Variants in GPC6 observed in about 807,000 individuals in gnomAD.
The protein encoded by GPC6 is glypican 6, also known as glypican-6.
A neutral mutation model predicts 55.2 loss-of-function variants in GPC6; 14 were observed. That is an observed-to-expected ratio of 0.25 (90% CI 0.17 to 0.40). The LOEUF (loss-of-function observed/expected upper bound fraction) is 0.40, where lower values mean the gene tolerates loss of function less well. GPC6 is among the 10% of genes least tolerant of loss of function. GPC6 has a pLI of 1.00. For synonymous variants in GPC6, 278 were observed against 259.6 expected (o/e 1.07, Z -0.68); for missense variants, 641 against 708.5 (o/e 0.90, Z 1.08).
intron 3 of GPC6, among the ~76,000 whole-genome samples, chr13:93,878,131 G>A (rs1874704334): frequency 6.6e-6 from 1 of 151,990 alleles, no homozygotes. Context: ...GAGTTTACAG[G>A]GAGAGCGATG....
At chr13:94,202,006 A>C (rs1463106256) in intron 4 of GPC6, among the ~76,000 whole-genome samples, 1 of 152,130 alleles carries the variant, frequency 6.6e-6, no homozygotes, top group African/African-American at 2.4e-5. Context: ...AAACCTTGAT[A>C]ATTCTCTGAA....
At chr13:94,180,929 G>A (rs1362194825) in intron 4 of GPC6, among the ~76,000 whole-genome samples, 1 of 151,968 alleles carries the variant, frequency 6.6e-6, no homozygotes, top group African/African-American at 2.4e-5. Context: ...AGGCTTTAAT[G>A]TATTACAGCA....
At chr13:94,228,224 C>T (rs1233542415) in intron 4 of GPC6, among the ~76,000 whole-genome samples, 7 of 152,034 alleles carry the variant, frequency 4.6e-5, no homozygotes, top group Non-Finnish European at 7.4e-5. Flanking sequence ...AGGGACTGAC[C>T]TACTCTGAGA....
intron 1 of GPC6, among the ~76,000 whole-genome samples, chr13:93,312,810 T>G (rs1348097927): frequency 6.6e-6 from 1 of 152,200 alleles, no homozygotes; most frequent in Non-Finnish European, 1.5e-5. Context: ...TTTGCTTTGT[T>G]TAAAACCTGA....
intron 4 of GPC6, among the ~76,000 whole-genome samples, chr13:94,215,912 A>G (rs138436530): frequency 6.6e-6 from 1 of 152,282 alleles, no homozygotes; most frequent in East Asian, 1.9e-4. Context: ...ATAACCATCA[A>G]TATTTCCATA....
At chr13:93,284,643 A>G (rs1336049621) in intron 1 of GPC6, among the ~76,000 whole-genome samples, 2 of 152,186 alleles carry the variant, frequency 1.3e-5, no homozygotes, top group African/African-American at 2.4e-5. Flanking sequence ...CAAGAATCAT[A>G]TAGTAAATAT....
intron 2 of GPC6, among the ~76,000 whole-genome samples, chr13:93,731,244 C>G (rs1883808748): frequency 2.0e-5 from 3 of 152,110 alleles, no homozygotes; most frequent in Admixed American, 6.6e-5. Flanking sequence ...ATGGCTCTTT[C>G]TGGATCTGAA....
chr13:94,245,789 G>A (rs1891179157), intron 4 of GPC6, among the ~76,000 whole-genome samples: 1 of 151,996 alleles, frequency 6.6e-6, no homozygotes, highest in African/African-American at 2.4e-5. Flanking sequence ...TGGACACCTA[G>A]TGTGTTTCCA....
At chr13:93,308,685 G>T (rs1370843981) in intron 1 of GPC6, among the ~76,000 whole-genome samples, 2 of 152,202 alleles carry the variant, frequency 1.3e-5, no homozygotes, top group African/African-American at 4.8e-5. Flanking sequence ...CAAGTGATCT[G>T]CCCGCCTTGG....
intron 3 of GPC6, among the ~76,000 whole-genome samples, chr13:93,950,580 C>G (rs1456100187): frequency 6.6e-6 from 1 of 152,126 alleles, no homozygotes; most frequent in Non-Finnish European, 1.5e-5. Flanking sequence ...CCTTAACAGT[C>G]ACAATTGCTC....
chr13:93,290,973 T>A (rs1878302234), intron 1 of GPC6, among the ~76,000 whole-genome samples: 1 of 152,152 alleles, frequency 6.6e-6, no homozygotes, highest in South Asian at 2.1e-4. Context: ...CTTCTGCATA[T>A]TTTTTGTAAC....
rs561003163 is a variant in GPC6, at chr13:93,540,772, T to C, written c.161-4491T>C. On this transcript the variant is annotated intron_variant, in intron 1 of 8. Coordinates refer to ENST00000377047, the MANE Select transcript of GPC6 (RefSeq NM_005708.5). ...GTCATCCTACAGTGGTGTAGAACAC[T>C]AGAACTTATTCCTCCTATTAGCTAT... Among the ~76,000 whole-genome samples the C allele has an allele frequency of 3.3e-5, 5 of 152,262 alleles. No individual in the cohort carries two copies. The East Asian group carries it at 9.7e-4, about 29-fold the overall frequency.
At chr13:94,048,139 CAT>C (rs2138749071) in intron 4 of GPC6, among the ~76,000 whole-genome samples, 1 of 151,914 alleles carries the variant, frequency 6.6e-6, no homozygotes, top group South Asian at 2.1e-4. Flanking sequence ...CTGAGGAAAA[CAT>C]ATAGACTATG....
intron 2 of GPC6, among the ~76,000 whole-genome samples, chr13:93,711,043 T>TG (rs1883038575): frequency 6.6e-6 from 1 of 151,822 alleles, no homozygotes; most frequent in South Asian, 2.1e-4. Context: ...TATGACCATA[T>TG]GTTTAAATTC....
At chr13:93,520,228 CTG>C (rs1284891097) in intron 1 of GPC6, among the ~76,000 whole-genome samples, 1 of 151,900 alleles carries the variant, frequency 6.6e-6, no homozygotes, top group African/African-American at 2.4e-5. Context: ...TTACTGGTGA[CTG>C]TGCGAAATTA....
chr13:93,627,021 A>G (rs1879232521), intron 2 of GPC6, among the ~76,000 whole-genome samples: 1 of 151,968 alleles, frequency 6.6e-6, no homozygotes, highest in Non-Finnish European at 1.5e-5. Flanking sequence ...TATTATTATT[A>G]TACTTTAAGT....
chr13:93,739,794 G>T (rs1384948435), intron 2 of GPC6, among the ~76,000 whole-genome samples: 2 of 152,134 alleles, frequency 1.3e-5, no homozygotes, highest in East Asian at 3.8e-4. Context: ...CTAGCGTAGG[G>T]ATTTAATCCC....
At chr13:94,373,650 A>T (rs983750079) in intron 6 of GPC6, among the ~76,000 whole-genome samples, 1 of 152,200 alleles carries the variant, frequency 6.6e-6, no homozygotes, top group African/African-American at 2.4e-5. Flanking sequence ...GCAGGATATT[A>T]TCCAGGAGAA....
intron 1 of GPC6, among the ~76,000 whole-genome samples, chr13:93,393,221 C>T (rs1875713729): frequency 6.6e-6 from 1 of 151,086 alleles, no homozygotes; most frequent in Admixed American, 6.6e-5. Flanking sequence ...TCACTGCAAC[C>T]TCTGCCTCCT....
Sources: gnomAD v4.1 joint callset for allele counts (sites outside exome capture counted in the v4.1 genomes callset) on GRCh38, gnomAD v4.1.1 for gene constraint, MANE v1.5 for transcripts, NCBI Gene and HGNC (gene_info 2026-07-23, HGNC 2026-07-21) for gene names.